Variants in DPYD observed in about 807,000 individuals in gnomAD.
DPYD encodes dihydropyrimidine dehydrogenase [NADP(+)].
DPYD carries 109 observed loss-of-function variants against 116.2 expected under a neutral mutation model. The observed-to-expected ratio is 0.94, with a 90% confidence interval of 0.80 to 1.10. The LOEUF (loss-of-function observed/expected upper bound fraction) is 1.10. DPYD is among the 50% of genes least tolerant of loss of function. The probability of loss-of-function intolerance (pLI) is 0.00; values close to 1 mark genes in which losing one functional copy is unlikely to be tolerated. For synonymous variants in DPYD, 440 were observed against 432.0 expected (o/e 1.02, Z -0.23); for missense variants, 1,302 against 1,254.5 (o/e 1.04, Z -0.57).
intron 5 of DPYD, among the ~76,000 whole-genome samples, chr1:97,719,538 T>TGTCAATA (rs1302002506): frequency 6.6e-6 from 1 of 151,958 alleles, no homozygotes; most frequent in Non-Finnish European, 1.5e-5. Context: ...TAAATACTCA[T>TGTCAATA]GTCAATAGTA....
At chr1:97,385,025 T>A (rs1331032538) in intron 14 of DPYD, among the ~76,000 whole-genome samples, 1 of 152,034 alleles carries the variant, frequency 6.6e-6, no homozygotes, top group Non-Finnish European at 1.5e-5. Context: ...GTAAGAATGC[T>A]TGTTCCATGG....
At chr1:97,595,571 A>T (rs913427096) in intron 8 of DPYD, among the ~76,000 whole-genome samples, 1 of 151,956 alleles carries the variant, frequency 6.6e-6, no homozygotes, top group Non-Finnish European at 1.5e-5. Context: ...TTCCTGAATA[A>T]GTAAAATCAT....
chr1:97,160,337 A>C (rs1396067227), intron 20 of DPYD, among the ~76,000 whole-genome samples: 1 of 84 alleles, frequency 0.012, no homozygotes, highest in Non-Finnish European at 0.019. Context: ...GCAAGATGGA[A>C]TATTTTCCCC....
At chr1:97,312,193 T>C (rs561496962) in intron 16 of DPYD, among the ~76,000 whole-genome samples, 2 of 151,954 alleles carry the variant, frequency 1.3e-5, no homozygotes, top group South Asian at 4.1e-4. Context: ...CGAATCTCGC[T>C]AGTAATTAGA....
At chr1:97,227,396 C>G (rs950868616) in intron 19 of DPYD, among the ~76,000 whole-genome samples, 1 of 146,696 alleles carries the variant, frequency 6.8e-6, no homozygotes, top group African/African-American at 2.5e-5. Context: ...GCAATAATTG[C>G]CCAATAAAAT....
intron 20 of DPYD, among the ~76,000 whole-genome samples, chr1:97,116,368 T>C (rs1482342009): frequency 6.6e-6 from 1 of 152,034 alleles, no homozygotes; most frequent in Non-Finnish European, 1.5e-5. Flanking sequence ...ATATAAACTA[T>C]AGCTGATGTA....
intron 18 of DPYD, among the ~76,000 whole-genome samples, chr1:97,304,057 T>C (rs542609463): frequency 1.3e-5 from 2 of 152,028 alleles, no homozygotes; most frequent in South Asian, 2.1e-4. Context: ...ACATGAATGG[T>C]GTTACTTATA....
chr1:97,236,066 C>T (rs531854581), intron 18 of DPYD, among the ~76,000 whole-genome samples: 223 of 152,288 alleles, frequency 1.5e-3, no homozygotes, highest in Non-Finnish European at 2.6e-3. Flanking sequence ...TTTGAATTCT[C>T]AAATGTTAAA....
At chr1:97,719,690 G>C in intron 5 of DPYD, 2 of 984,470 alleles carry the variant, frequency 2.0e-6, no homozygotes, top group Non-Finnish European at 2.4e-6. Flanking sequence ...CTGACCTAGG[G>C]AATACAGGAC....
At chr1:97,418,516 T>A (rs1674404005) in intron 14 of DPYD, among the ~76,000 whole-genome samples, 1 of 152,134 alleles carries the variant, frequency 6.6e-6, no homozygotes, top group East Asian at 1.9e-4. Flanking sequence ...GTCAGACTGG[T>A]TTCGAACTCC....
At chr1:97,837,533 T>C (rs1253527169) in intron 2 of DPYD, among the ~76,000 whole-genome samples, 1 of 152,140 alleles carries the variant, frequency 6.6e-6, no homozygotes, top group African/African-American at 2.4e-5. Flanking sequence ...ATGTCAGCTG[T>C]GTTTTCCCTT....
At chr1:97,431,656 G>A (rs189548306) in intron 14 of DPYD, among the ~76,000 whole-genome samples, 1 of 152,170 alleles carries the variant, frequency 6.6e-6, no homozygotes, top group East Asian at 1.9e-4. Context: ...TCAAATCAGG[G>A]TAATTAGGAT....
At chr1:97,421,539 T>C (rs1674583661) in intron 14 of DPYD, among the ~76,000 whole-genome samples, 2 of 152,204 alleles carry the variant, frequency 1.3e-5, no homozygotes, top group African/African-American at 4.8e-5. Flanking sequence ...TTTTTATTTA[T>C]TGCCTAATCC....
At chr1:97,162,529 T>C (rs948557634) in intron 20 of DPYD, among the ~76,000 whole-genome samples, 13 of 152,078 alleles carry the variant, frequency 8.5e-5, no homozygotes, top group Non-Finnish European at 1.8e-4. Flanking sequence ...TAGGAAGAAT[T>C]AGTATCATGA....
At chr1:97,147,286 T>C (rs1654697536) in intron 20 of DPYD, among the ~76,000 whole-genome samples, 1 of 152,136 alleles carries the variant, frequency 6.6e-6, no homozygotes, top group Non-Finnish European at 1.5e-5. Flanking sequence ...GAGGCAGAGA[T>C]TGCAGTGAGC....
chr1:97,435,098 C>T (rs1675399497), intron 14 of DPYD, among the ~76,000 whole-genome samples: 1 of 151,932 alleles, frequency 6.6e-6, no homozygotes, highest in Admixed American at 6.6e-5. Context: ...GGAAAAGGCT[C>T]ATTGCCAAAG....
intron 18 of DPYD, among the ~76,000 whole-genome samples, chr1:97,251,767 C>T (rs1439364892): frequency 6.6e-6 from 1 of 152,086 alleles, no homozygotes; most frequent in Non-Finnish European, 1.5e-5. Flanking sequence ...TAGACTATAC[C>T]TCTAAATCGT....
At chr1:97,114,247 C>T (rs560955155) in intron 20 of DPYD, among the ~76,000 whole-genome samples, 1 of 152,202 alleles carries the variant, frequency 6.6e-6, no homozygotes, top group Admixed American at 6.5e-5. Flanking sequence ...AAGTCCATAC[C>T]TGAAAACTTC....
intron 3 of DPYD, among the ~76,000 whole-genome samples, chr1:97,783,367 GTTATT>G (rs1378460237): frequency 6.6e-6 from 1 of 151,892 alleles, no homozygotes; most frequent in Non-Finnish European, 1.5e-5. Flanking sequence ...ATACAGCTTT[GTTATT>G]TTATTTTATT....
Sources: gnomAD v4.1 joint callset for allele counts (sites outside exome capture counted in the v4.1 genomes callset) on GRCh38, gnomAD v4.1.1 for gene constraint, MANE v1.5 for transcripts, NCBI Gene and HGNC (gene_info 2026-07-23, HGNC 2026-07-21) for gene names.